CDRT4: variants seen among roughly 807,000 people sequenced by gnomAD.
The protein encoded by CDRT4 is CMT1A duplicated region transcript 4 protein.
For synonymous variants in CDRT4, 64 were observed against 69.6 expected (o/e 0.92, Z 0.40); for missense variants, 167 against 193.1 (o/e 0.87, Z 0.80).
At chr17:15,440,360 G>A in intron 2 of CDRT4, 75 bp from the exon 3 acceptor site, 1 of 1,525,664 alleles carries the variant, frequency 6.6e-7, no homozygotes, top group Non-Finnish European at 8.9e-7. Flanking sequence ...GGGTGGGGGT[G>A]GTTCTAAGTC....
At chr17:15,465,261 AAC>A (rs772265524) in intron 1 of CDRT4, among the ~76,000 whole-genome samples, 22 of 111,570 alleles carry the variant, frequency 2.0e-4, no homozygotes, top group Non-Finnish European at 3.1e-4. Flanking sequence ...CAACACACAC[AAC>A]ACACACACCA....
At chr17:15,439,516 G>C (rs1978655224) in intron 3 of CDRT4, among the ~76,000 whole-genome samples, 1 of 152,182 alleles carries the variant, frequency 6.6e-6, no homozygotes, top group African/African-American at 2.4e-5. Context: ...CCAAGCAAAT[G>C]TAAGATCTTG....
chr17:15,439,085 C>T (rs1978634980), intron 3 of CDRT4: 7 of 455,656 alleles, frequency 1.5e-5, no homozygotes, highest in South Asian at 1.1e-4. Flanking sequence ...TCCTTCCCAT[C>T]TTTCATTAGC....
chr17:15,451,492 A>G (rs765182895), intron 2 of CDRT4, among the ~76,000 whole-genome samples: 1 of 151,780 alleles, frequency 6.6e-6, no homozygotes, highest in Non-Finnish European at 1.5e-5. Context: ...TTAGAAGCCA[A>G]TGCCAGTTCC....
At chr17:15,449,702 CCCTCCTCTCAT>C (rs563371916) in intron 2 of CDRT4, among the ~76,000 whole-genome samples, 12 of 152,266 alleles carry the variant, frequency 7.9e-5, no homozygotes, top group Non-Finnish European at 1.6e-4. Context: ...TCCACCCTCA[CCCTCCTCTCAT>C]CCTCCTCCCT....
intron 1 of CDRT4, among the ~76,000 whole-genome samples, chr17:15,465,559 CA>C (rs1480904780): frequency 6.6e-6 from 1 of 151,010 alleles, no homozygotes; most frequent in Non-Finnish European, 1.5e-5. Flanking sequence ...ACACACACAA[CA>C]AAGACACTTA....
At chr17:15,452,953 C>T (rs1979328791) in intron 2 of CDRT4, 51 bp downstream of exon 2, 1 of 152,184 alleles carries the variant, frequency 6.6e-6, no homozygotes, top group South Asian at 2.1e-4. Context: ...CAACTCTTGG[C>T]CCACTGGAAG....
chr17:15,464,796 G>A lies in CDRT4; in HGVS notation c.-130+2664C>T, dbSNP rs909822606. On this transcript the variant is annotated intron_variant, in intron 1 of 3. Transcript: ENST00000619038. The surrounding 1 kb of genome is among the most constrained non-coding windows in gnomAD (Gnocchi z 4.5). ...CCCCCAGCGAATGGCCCATACCAGCGGTTGCTCTTTCACTCACTCCAGCCT... is the reference window on the plus strand; with the variant it reads ...CCCCCAGCGAATGGCCCATACCAGCAGTTGCTCTTTCACTCACTCCAGCCT... 6.6e-6 allele frequency among the ~76,000 whole-genome samples: 1 copy of A among 152,070 alleles called. No homozygotes were observed. The highest frequency in any genetic ancestry group is 1.5e-5 in the Non-Finnish European group (1 of 68,022).
In CDRT4 at chr17:15,450,455, C is replaced by G. The variant is rs866781294; in HGVS notation, c.-48+2549G>C. 3.3e-5 allele frequency among the ~76,000 whole-genome samples: 5 copies of G among 152,190 alleles called. No homozygotes were observed. The highest frequency in any genetic ancestry group is 3.2e-3 in the Middle Eastern group (1 of 316). Reference sequence around the variant, plus strand: ...TGCAATGGTCATGGATAGAGTTGAGCACTCACTCTCACATTCTTGAAATGT... The same window carrying G: ...TGCAATGGTCATGGATAGAGTTGAGGACTCACTCTCACATTCTTGAAATGT... On this transcript the variant is annotated intron_variant, in intron 2 of 3. Coordinates refer to ENST00000619038, the MANE Select transcript of CDRT4 (RefSeq NM_001204477.2). The surrounding 1 kb of genome is among the most constrained non-coding windows in gnomAD (Gnocchi z 4.2).
At chr17:15,459,535 C>T (rs1419204377) in intron 1 of CDRT4, among the ~76,000 whole-genome samples, 1 of 150,406 alleles carries the variant, frequency 6.6e-6, no homozygotes, top group East Asian at 2.0e-4. Context: ...AGCTCCGCCT[C>T]CTGGATTCAC....
intron 1 of CDRT4, among the ~76,000 whole-genome samples, chr17:15,465,250 CCAACACACA>C (rs1304068604): frequency 3.1e-5 from 4 of 128,446 alleles, no homozygotes; most frequent in Admixed American, 7.9e-5. Flanking sequence ...CAGACACACA[CCAACACACA>C]CAACACACAC....
intron 1 of CDRT4, among the ~76,000 whole-genome samples, chr17:15,457,904 C>T (rs1979560499): frequency 6.6e-6 from 1 of 152,208 alleles, no homozygotes; most frequent in Non-Finnish European, 1.5e-5. Flanking sequence ...ACCCTCTGTT[C>T]CCCCACAGGA....
In CDRT4 at chr17:15,437,809, C is replaced by T. The variant is rs1400171396; in HGVS notation, c.423G>A (p.Lys141=). ...ENYNKIIFAR[K]PMMRMLPTVR... is the part of the protein sequence containing the mutation. The stretch of plus-strand genomic sequence containing the variant: ...CTGTAGGGAGCATCCTCATCATAGG[C>T]TTGCGGGCAAAGATGATCTTGTTAT... The change falls in exon 4 of 4, where the codon AAG becomes AAA. Residue 141 remains lysine (K), a synonymous_variant. Coordinates refer to ENST00000619038, the MANE Select transcript of CDRT4 (RefSeq NM_001204477.2). The T allele has an allele frequency of 2.5e-6, 4 of 1,614,064 alleles. No individual in the cohort carries two copies. In the African/African-American group the frequency reaches 5.3e-5, roughly 22 times the overall value.
chr17:15,439,442 AT>A (rs1978652473), intron 3 of CDRT4, among the ~76,000 whole-genome samples: 1 of 152,202 alleles, frequency 6.6e-6, no homozygotes, highest in Non-Finnish European at 1.5e-5. Flanking sequence ...CATGTGTGAC[AT>A]TACCTCTCAC....
At chr17:15,453,698 C>G (rs571496865) in intron 1 of CDRT4, among the ~76,000 whole-genome samples, 28 of 152,126 alleles carry the variant, frequency 1.8e-4, no homozygotes, top group Non-Finnish European at 3.7e-4. Flanking sequence ...CCAAAGTTCC[C>G]AAAACAGTAA....
rs1567607592 is a variant in CDRT4, at chr17:15,438,022, AG to A, written c.209del (p.Pro70LeufsTer45). On this transcript the variant is annotated frameshift_variant, in exon 4 of 4. Coordinates refer to ENST00000619038, the MANE Select transcript of CDRT4 (RefSeq NM_001204477.2). LOFTEE classifies it low-confidence loss of function (END_TRUNC). Reference protein sequence around the residue: ...ERPWASRQNKPSSVIQPKRRK... With the variant: ...ERPWASRQNKXSSVIQPKRRK... ...TCCTTTTCGGCTGAATGACGCTGGAAGGTTTATTCTGCCTTGATGCCCAGGG... is the reference window on the plus strand; with the variant it reads ...TCCTTTTCGGCTGAATGACGCTGGAAGTTTATTCTGCCTTGATGCCCAGGG... 1 of 1,614,168 alleles carries A rather than the reference AG, an allele frequency of 6.2e-7. No homozygotes were observed. Among genetic ancestry groups the A allele is most frequent in the Admixed American group, 1.7e-5 (1 of 60,018 alleles).
rs887723128 is a variant in CDRT4, at chr17:15,436,502, G to A, written c.*1271C>T. The A allele has an allele frequency of 6.6e-6, 1 of 152,240 alleles. No individual in the cohort carries two copies. Among genetic ancestry groups the A allele is most frequent in the Non-Finnish European group, 1.5e-5 (1 of 68,074 alleles). The allele number at this position is 152,240 out of a possible 1,614,324, so 9.4% of individuals were successfully genotyped here. A position where few individuals can be genotyped will look rare whatever the true frequency, so the allele number is the denominator to read the frequency against. On this transcript the variant is annotated 3_prime_UTR_variant, in exon 4 of 4. Coordinates refer to ENST00000619038, the MANE Select transcript of CDRT4 (RefSeq NM_001204477.2). ...ATCCCTCTTGCATGTAAAGACAAAGGTTGTCTGCTTGGAGATGGAGAAGAG... is the reference window on the plus strand; with the variant it reads ...ATCCCTCTTGCATGTAAAGACAAAGATTGTCTGCTTGGAGATGGAGAAGAG...
intron 1 of CDRT4, among the ~76,000 whole-genome samples, chr17:15,465,060 C>A (rs1979942239): frequency 7.1e-6 from 1 of 140,472 alleles, no homozygotes; most frequent in South Asian, 2.3e-4. Context: ...AGACACACAC[C>A]AACACAGACA....
chr17:15,459,900 C>G (rs1222933372), intron 1 of CDRT4, among the ~76,000 whole-genome samples: 1 of 152,092 alleles, frequency 6.6e-6, no homozygotes, highest in Non-Finnish European at 1.5e-5. Flanking sequence ...CCAGCAGGCC[C>G]CTTTCTCCTG....
Sources: gnomAD v4.1 joint callset for allele counts (sites outside exome capture counted in the v4.1 genomes callset) on GRCh38, gnomAD v4.1.1 for gene constraint, Gnocchi (gnomAD v3.1) non-coding constraint, MANE v1.5 for transcripts, NCBI Gene and HGNC (gene_info 2026-07-23, HGNC 2026-07-21) for gene names.